THSD7B: variants seen among roughly 807,000 people sequenced by gnomAD.
The protein encoded by THSD7B is thrombospondin type-1 domain-containing protein 7B.
Under a neutral mutation model 213.6 loss-of-function variants are expected in THSD7B, and 138 were observed. That is an observed-to-expected ratio of 0.65 (90% CI 0.56 to 0.74). The LOEUF (loss-of-function observed/expected upper bound fraction) is 0.74, where lower values mean the gene tolerates loss of function less well. THSD7B is among the 30% of genes least tolerant of loss of function. THSD7B has a pLI of 0.00. For synonymous variants in THSD7B, 742 were observed against 687.0 expected (o/e 1.08, Z -1.25); for missense variants, 1,931 against 1,991.5 (o/e 0.97, Z 0.58).
intron 15 of THSD7B, among the ~76,000 whole-genome samples, chr2:137,554,298 C>A (rs914780699): frequency 6.6e-6 from 1 of 152,070 alleles, no homozygotes; most frequent in Admixed American, 6.5e-5. Context: ...CTCCCCTTCA[C>A]CTTATGTCTT....
rs530639633 is a variant in THSD7B, at chr2:137,540,145, C to T, written c.3139-23076C>T. On this transcript the variant is annotated intron_variant, in intron 15 of 27. Coordinates refer to ENST00000409968, the MANE Select transcript of THSD7B (RefSeq NM_001316349.2). Reference sequence around the variant, plus strand: ...ACTACTCAACTCTGCTAGAGTAGCACAAAAGCAGCTACAGACAATAAATAC... The same window carrying T: ...ACTACTCAACTCTGCTAGAGTAGCATAAAAGCAGCTACAGACAATAAATAC... 2.6e-5 allele frequency among the ~76,000 whole-genome samples: 4 copies of T among 151,694 alleles called. No individual in the cohort carries two copies. The East Asian group carries it at 7.8e-4, about 30-fold the overall frequency.
chr2:137,379,315 G>A (rs1329733001), intron 12 of THSD7B, among the ~76,000 whole-genome samples: 1 of 152,174 alleles, frequency 6.6e-6, no homozygotes, highest in Admixed American at 6.5e-5. Flanking sequence ...GGCTCCTGCA[G>A]CCACGCAGCT....
At chr2:137,391,386 T>A (rs192385684) in intron 12 of THSD7B, among the ~76,000 whole-genome samples, 25,218 of 152,074 alleles carry the variant, frequency 0.17, 2,325 homozygotes, top group South Asian at 0.34. Flanking sequence ...TCAATTTTTT[T>A]TAAAATCTTT....
Position 137,363,793 on chromosome 2 carries a change from G to A in THSD7B, c.2501-41820G>A, listed in dbSNP as rs1238461160. On this transcript the variant is annotated intron_variant, in intron 12 of 27. Transcript: ENST00000409968. ...TCCAAGACCAGACAGATTCAGAGCC[G>A]AATTCTAGTGGAGGTATGAAGAAAG... 3.3e-5 allele frequency among the ~76,000 whole-genome samples: 5 copies of A among 152,124 alleles called. No homozygotes were observed. In the East Asian group the frequency reaches 7.7e-4, roughly 23 times the overall value.
chr2:137,302,703 C>T (rs1003879558), intron 12 of THSD7B, among the ~76,000 whole-genome samples: 1 of 151,762 alleles, frequency 6.6e-6, no homozygotes. Flanking sequence ...AATATAATAC[C>T]TGAAGAGAAT....
intron 20 of THSD7B, among the ~76,000 whole-genome samples, chr2:137,630,669 G>C (rs1682723862): frequency 6.6e-6 from 1 of 152,204 alleles, no homozygotes; most frequent in South Asian, 2.1e-4. Flanking sequence ...TTGTGGAGCT[G>C]CAAAGGTTGG....
At chr2:137,449,748 C>G (rs988626453) in intron 14 of THSD7B, among the ~76,000 whole-genome samples, 1 of 152,172 alleles carries the variant, frequency 6.6e-6, no homozygotes, top group South Asian at 2.1e-4. Flanking sequence ...CTCTCTCTCT[C>G]TACACAAAAG....
intron 1 of THSD7B, among the ~76,000 whole-genome samples, chr2:136,832,022 A>T (rs1682765801): frequency 6.6e-6 from 1 of 152,136 alleles, no homozygotes; most frequent in African/African-American, 2.4e-5. Context: ...CCTCAACTGA[A>T]TTTAAAGGCT....
chr2:136,785,618 C>T (rs72975542), intron 1 of THSD7B, among the ~76,000 whole-genome samples: 1 of 152,088 alleles, frequency 6.6e-6, no homozygotes, highest in African/African-American at 2.4e-5. Flanking sequence ...ATCGGCAAAC[C>T]CAAAAGTAAA....
At chr2:136,817,480 GT>G (rs1558814722) in intron 1 of THSD7B, among the ~76,000 whole-genome samples, 1 of 151,398 alleles carries the variant, frequency 6.6e-6, no homozygotes, top group Admixed American at 6.6e-5. Context: ...TTCTTCTAGG[GT>G]TTTTATAGTT....
Position 137,060,042 on chromosome 2 carries a change from A to T in THSD7B, c.950+2812A>T, listed in dbSNP as rs536330158. Among the ~76,000 whole-genome samples, 6 of 152,188 alleles carry T rather than the reference A, an allele frequency of 3.9e-5. No individual in the cohort carries two copies. The South Asian group carries it at 1.2e-3, about 32-fold the overall frequency. ...CACATCACTGGGATTTGTTGTCAGTATTTTGGAGTTTTGCCATTCGAATAG... is the reference window on the plus strand; with the variant it reads ...CACATCACTGGGATTTGTTGTCAGTTTTTTGGAGTTTTGCCATTCGAATAG... On this transcript the variant is annotated intron_variant, in intron 3 of 27. Transcript: ENST00000409968.
intron 27 of THSD7B, among the ~76,000 whole-genome samples, chr2:137,673,994 G>A (rs1683640169): frequency 6.6e-6 from 1 of 152,178 alleles, no homozygotes; most frequent in African/African-American, 2.4e-5. Context: ...TGGCCACAGT[G>A]TCCGTGATTC....
chr2:137,518,842 G>A (rs896298227), intron 15 of THSD7B, among the ~76,000 whole-genome samples: 6 of 152,174 alleles, frequency 3.9e-5, no homozygotes, highest in Admixed American at 3.9e-4. Flanking sequence ...AACCAACACT[G>A]AGCCTTCGAT....
intron 12 of THSD7B, among the ~76,000 whole-genome samples, chr2:137,302,883 C>T (rs1412900352): frequency 6.6e-6 from 1 of 152,172 alleles, no homozygotes; most frequent in Non-Finnish European, 1.5e-5. Flanking sequence ...TCTAAATTCA[C>T]TCTTCCCCTT....
At chr2:136,989,041 G>C (rs961039534) in intron 2 of THSD7B, among the ~76,000 whole-genome samples, 1 of 152,190 alleles carries the variant, frequency 6.6e-6, no homozygotes, top group Non-Finnish European at 1.5e-5. Context: ...AAGGATGGTT[G>C]ATGGGGTTAA....
chr2:137,486,978 G>A (rs1293708925), intron 15 of THSD7B, among the ~76,000 whole-genome samples: 4 of 152,024 alleles, frequency 2.6e-5, no homozygotes, highest in African/African-American at 9.7e-5. Flanking sequence ...AGAATCTCTG[G>A]GACACATTCA....
intron 2 of THSD7B, among the ~76,000 whole-genome samples, chr2:136,897,288 T>C (rs10205853): frequency 0.52 from 78,891 of 151,884 alleles, 21,561 homozygotes; most frequent in East Asian, 0.85. Flanking sequence ...TTGCAGTTCT[T>C]AAAGATAGTG....
At chr2:136,837,256 G>A (rs1224803759) in intron 1 of THSD7B, among the ~76,000 whole-genome samples, 1 of 152,232 alleles carries the variant, frequency 6.6e-6, no homozygotes, top group Admixed American at 6.5e-5. Flanking sequence ...TGTAAGATCT[G>A]CCAGGGTCTG....
chr2:137,474,656 C>G (rs1052092873), intron 15 of THSD7B, among the ~76,000 whole-genome samples: 2 of 152,152 alleles, frequency 1.3e-5, no homozygotes, highest in African/African-American at 4.8e-5. Flanking sequence ...GTGAGCTTCT[C>G]AATTATGCTG....
Sources: allele counts gnomAD v4.1 joint callset (sites outside exome capture counted in the v4.1 genomes callset), GRCh38; gene constraint gnomAD v4.1.1; transcripts MANE v1.5; gene names NCBI Gene and HGNC (gene_info 2026-07-23, HGNC 2026-07-21).